Variants in EPHB2 observed in about 807,000 individuals in gnomAD.
The protein encoded by EPHB2 is ephrin type-B receptor 2.
EPHB2 carries 18 observed loss-of-function variants against 96.4 expected under a neutral mutation model. The ratio of observed to expected loss-of-function variants is 0.19; its 90% CI spans 0.13 to 0.28. The LOEUF (loss-of-function observed/expected upper bound fraction) is 0.28, where lower values mean the gene tolerates loss of function less well. Ranked by LOEUF, EPHB2 falls within the 10% of genes least tolerant of loss-of-function variation. The probability of loss-of-function intolerance (pLI) is 1.00; values close to 1 mark genes in which losing one functional copy is unlikely to be tolerated. For synonymous variants in EPHB2, 506 were observed against 534.1 expected (o/e 0.95, Z 0.72); for missense variants, 989 against 1,355.4 (o/e 0.73, Z 4.25).
intron 3 of EPHB2, among the ~76,000 whole-genome samples, chr1:22,805,482 T>C (rs1644912253): frequency 6.6e-6 from 1 of 152,098 alleles, no homozygotes; most frequent in Non-Finnish European, 1.5e-5. Context: ...TTTCAGGAGC[T>C]GACCTCCCTC....
At chr1:22,791,636 AT>A (rs759405186) in intron 3 of EPHB2, among the ~76,000 whole-genome samples, 1 of 151,730 alleles carries the variant, frequency 6.6e-6, no homozygotes, top group Non-Finnish European at 1.5e-5. Flanking sequence ...TGATAATAAT[AT>A]TTTGTGGACA....
At chr1:22,855,708 A>T (rs1016442888) in intron 3 of EPHB2, among the ~76,000 whole-genome samples, 1 of 152,248 alleles carries the variant, frequency 6.6e-6, no homozygotes, top group Non-Finnish European at 1.5e-5. Context: ...AGCACTTAAC[A>T]TGAGCCAGAC....
intron 3 of EPHB2, among the ~76,000 whole-genome samples, chr1:22,837,107 G>T (rs115646372): frequency 3.3e-5 from 5 of 152,190 alleles, no homozygotes; most frequent in African/African-American, 1.2e-4. Flanking sequence ...AGACAGGCTT[G>T]GGCACTGGAT....
chr1:22,912,355 T>A (rs1640131471), intron 14 of EPHB2, 89 bp from the exon 15 acceptor site: 1 of 1,570,392 alleles, frequency 6.4e-7, no homozygotes, highest in Non-Finnish European at 8.7e-7. Context: ...CACGTGCACA[T>A]TCACGCATAC....
intron 3 of EPHB2, among the ~76,000 whole-genome samples, chr1:22,839,170 C>T (rs1440528503): frequency 2.0e-5 from 3 of 152,190 alleles, no homozygotes; most frequent in Non-Finnish European, 4.4e-5. Context: ...AATCACGATG[C>T]TCTTCCTGCC....
At chr1:22,765,308 G>A (rs1461087349) in intron 1 of EPHB2, among the ~76,000 whole-genome samples, 1 of 152,156 alleles carries the variant, frequency 6.6e-6, no homozygotes, top group East Asian at 1.9e-4. Context: ...ACACTTTAGG[G>A]GGCTGAGACG....
intron 3 of EPHB2, among the ~76,000 whole-genome samples, chr1:22,861,973 A>G (rs1407962476): frequency 6.6e-6 from 1 of 152,154 alleles, no homozygotes; most frequent in Non-Finnish European, 1.5e-5. Context: ...GTTTGTTGCA[A>G]AGCTGTTTCC....
At chr1:22,855,890 G>A (rs181044527) in intron 3 of EPHB2, among the ~76,000 whole-genome samples, 39 of 152,278 alleles carry the variant, frequency 2.6e-4, no homozygotes, top group East Asian at 1.4e-3. Context: ...AGCCCTGGCC[G>A]TAGCTCCACA....
intron 3 of EPHB2, among the ~76,000 whole-genome samples, chr1:22,855,489 T>A (rs1202484822): frequency 1.3e-5 from 2 of 152,188 alleles, no homozygotes; most frequent in African/African-American, 4.8e-5. Context: ...GGGCTGAGGC[T>A]TTTTGTTTCA....
chr1:22,897,795 A>T (rs894797228), intron 9 of EPHB2, among the ~76,000 whole-genome samples: 12 of 147,730 alleles, frequency 8.1e-5, no homozygotes, highest in African/African-American at 2.0e-4. Flanking sequence ...TCAAAATAAA[A>T]AAATAAATAA....
At chr1:22,811,985 G>C (rs540397025) in intron 3 of EPHB2, among the ~76,000 whole-genome samples, 1 of 152,344 alleles carries the variant, frequency 6.6e-6, no homozygotes, top group Non-Finnish European at 1.5e-5. Flanking sequence ...GCTGCAGTGA[G>C]CCATGATCAC....
chr1:22,818,892 T>C (rs1645110852), intron 3 of EPHB2, among the ~76,000 whole-genome samples: 1 of 152,186 alleles, frequency 6.6e-6, no homozygotes, highest in Admixed American at 6.5e-5. Flanking sequence ...CATCTGTTTA[T>C]GTGTCTTTCT....
At chr1:22,882,227 C>G (rs309485) in intron 5 of EPHB2, 132 bp from the exon 6 acceptor site, 190,601 of 1,497,774 alleles carry the variant, frequency 0.13, 22,010 homozygotes, top group African/African-American at 0.53. Flanking sequence ...GAGACTGGCT[C>G]TGTGGCCTCA....
chr1:22,811,097 C>T (rs981675886), intron 3 of EPHB2, among the ~76,000 whole-genome samples: 5 of 152,142 alleles, frequency 3.3e-5, no homozygotes, highest in Non-Finnish European at 5.9e-5. Context: ...GCCTCTTTTT[C>T]TTCATTTGTA....
intron 3 of EPHB2, among the ~76,000 whole-genome samples, chr1:22,811,307 T>G (rs1395211737): frequency 6.6e-6 from 1 of 152,178 alleles, no homozygotes; most frequent in Non-Finnish European, 1.5e-5. Flanking sequence ...GTCCAGATTC[T>G]CTGTGCTTCT....
chr1:22,767,258 G>A (rs767157730), intron 1 of EPHB2, among the ~76,000 whole-genome samples: 1 of 152,166 alleles, frequency 6.6e-6, no homozygotes, highest in Non-Finnish European at 1.5e-5. Context: ...CTCAAGCTGG[G>A]GAAGTGGGGG....
chr1:22,730,417 A>G (rs1643682060), intron 1 of EPHB2, among the ~76,000 whole-genome samples: 1 of 152,178 alleles, frequency 6.6e-6, no homozygotes, highest in Admixed American at 6.5e-5. Context: ...GCTGTGGACA[A>G]GTTGCAGGGG....
chr1:22,838,506 CAG>C (rs921169366), intron 3 of EPHB2, among the ~76,000 whole-genome samples: 6 of 152,210 alleles, frequency 3.9e-5, no homozygotes, highest in Non-Finnish European at 5.9e-5. Flanking sequence ...GTTCTCCCTA[CAG>C]AGTCTTATGG....
chr1:22,870,015 G>C (rs934434599), intron 5 of EPHB2, among the ~76,000 whole-genome samples: 4 of 152,188 alleles, frequency 2.6e-5, no homozygotes, highest in African/African-American at 9.6e-5. Flanking sequence ...GGGGTGAGGT[G>C]GGGTGTGGAG....
Sources: gnomAD v4.1 joint callset for allele counts (sites outside exome capture counted in the v4.1 genomes callset) on GRCh38, gnomAD v4.1.1 for gene constraint, MANE v1.5 for transcripts, NCBI Gene and HGNC (gene_info 2026-07-23, HGNC 2026-07-21) for gene names.